The following TEKT5 variants were observed in gnomAD, a reference collection of about 807,000 sequenced individuals.
TEKT5 encodes the protein tektin 5, also known as tektin-5.
Under a neutral mutation model 48.7 loss-of-function variants are expected in TEKT5, and 52 were observed. The ratio of observed to expected loss-of-function variants is 1.07; its 90% confidence interval spans 0.86 to 1.35. The LOEUF (loss-of-function observed/expected upper bound fraction) is 1.35, where lower values mean the gene tolerates loss of function less well. TEKT5 is among the 40% of genes most tolerant of loss of function. The pLI, the probability that TEKT5 is intolerant of heterozygous loss-of-function variation, is 0.00. For missense variants in TEKT5, 831 were observed against 641.6 expected (o/e 1.30, Z -3.19); for synonymous variants, 318 against 267.6 (o/e 1.19, Z -1.84).
At chr16:10,634,403 C>T (rs1897884078) in intron 6 of TEKT5, among the ~76,000 whole-genome samples, 1 of 152,132 alleles carries the variant, frequency 6.6e-6, no homozygotes, top group South Asian at 2.1e-4. Flanking sequence ...AGAAGTACTG[C>T]TATGAAACCC....
At chr16:10,653,553 A>G (rs1021521181) in intron 5 of TEKT5, among the ~76,000 whole-genome samples, 8 of 152,194 alleles carry the variant, frequency 5.3e-5, no homozygotes, top group Non-Finnish European at 1.0e-4. Flanking sequence ...ACATCGATTG[A>G]GCCCTTTCTA....
At chr16:10,680,072 C>A (rs1253293213) in intron 4 of TEKT5, among the ~76,000 whole-genome samples, 2 of 152,206 alleles carry the variant, frequency 1.3e-5, no homozygotes, top group Admixed American at 1.3e-4. Flanking sequence ...GGCTCTGGGG[C>A]TGCCAGGTTT....
At chr16:10,687,584 C>A (rs985036652) in intron 3 of TEKT5, among the ~76,000 whole-genome samples, 5 of 152,206 alleles carry the variant, frequency 3.3e-5, no homozygotes, top group African/African-American at 2.4e-5. Context: ...AAAACACTGT[C>A]TCTACTAAAA....
intron 5 of TEKT5, among the ~76,000 whole-genome samples, chr16:10,653,002 C>T (rs1898196174): frequency 6.6e-6 from 1 of 152,232 alleles, no homozygotes; most frequent in South Asian, 2.1e-4. Context: ...GAGCTGGCAT[C>T]TCTCTGCCCA....
intron 5 of TEKT5, among the ~76,000 whole-genome samples, chr16:10,649,319 C>T (rs1460212079): frequency 6.6e-6 from 1 of 152,206 alleles, no homozygotes; most frequent in East Asian, 1.9e-4. Flanking sequence ...CTATGTTGCC[C>T]AGGCTGGTCT....
At chr16:10,684,911 C>T (rs1044498977) in intron 3 of TEKT5, among the ~76,000 whole-genome samples, 4 of 152,224 alleles carry the variant, frequency 2.6e-5, no homozygotes, top group African/African-American at 7.2e-5. Context: ...CCTCAGGCTT[C>T]GCAGAAAACC....
chr16:10,634,783 C>A (rs991381913), intron 6 of TEKT5, among the ~76,000 whole-genome samples: 12 of 152,092 alleles, frequency 7.9e-5, no homozygotes, highest in Non-Finnish European at 1.5e-4. Context: ...TGGCTGCCAG[C>A]CAACAGCCAG....
rs556848151 is a variant in TEKT5 at position 10,685,054 on chromosome 16, T to A, written c.720-2918A>T. The stretch of plus-strand genomic sequence containing the variant: ...TCTCGGTTAATTAGTATAACCCCAA[T>A]CCCTCTGGCAGCACAAGCTGTGAGA... On this transcript the variant is annotated intron_variant, in intron 3 of 6. Transcript: ENST00000283025. Among the ~76,000 whole-genome samples, 3 of 152,128 alleles carry A rather than the reference T, an allele frequency of 2.0e-5. No homozygotes were observed. The East Asian group carries it at 5.8e-4, about 29-fold the overall frequency.
rs1899041067 is a variant in TEKT5 at position 10,694,492 on chromosome 16, G to A, written c.382C>T (p.Gln128Ter). 1.2e-6 allele frequency: 2 copies of A among 1,613,610 alleles called. No homozygotes were observed. Among genetic ancestry groups the A allele is most frequent in the African/African-American group, 1.3e-5 (1 of 75,060 alleles). Reference sequence around the variant, plus strand: ...CCCTCCTGCATCTGGTGCGTCAGCTGGTCCTTGTCCTGCAAGAGCCTCATG... The same window carrying A: ...CCCTCCTGCATCTGGTGCGTCAGCTAGTCCTTGTCCTGCAAGAGCCTCATG... ...DSMRLLQDKD[Q>*]LTHQMQEGTC... Residue 128 changes from glutamine (Q) to a stop codon, truncating the protein, a stop_gained, in exon 1 of 7, where the codon CAG (glutamine) becomes TAG (stop). Transcript: ENST00000283025. LOFTEE classifies it high-confidence loss of function.
chr16:10,693,365 G>A (rs9928038), intron 1 of TEKT5, among the ~76,000 whole-genome samples: 13,522 of 152,266 alleles, frequency 0.089, 750 homozygotes, highest in Non-Finnish European at 0.13. Flanking sequence ...AAAGTGCTGG[G>A]ATTACAGGTG....
At chr16:10,655,029 G>T (rs925042583) in intron 5 of TEKT5, among the ~76,000 whole-genome samples, 1 of 142,812 alleles carries the variant, frequency 7.0e-6, no homozygotes, top group African/African-American at 2.6e-5. Flanking sequence ...AGGAAATTCA[G>T]ATTTGCTTGA....
Position 10,635,936 on chromosome 16 carries a change from G to C in TEKT5, c.1087-18C>G, listed in dbSNP as rs761409367. On this transcript the variant is annotated intron_variant, in intron 5 of 6. Coordinates refer to ENST00000283025, the MANE Select transcript of TEKT5 (RefSeq NM_144674.2). The stretch of plus-strand genomic sequence containing the variant: ...TGCAGCGTCTGCGAGGGAACACACA[G>C]GTGTCACCACCCACCAGGCCCTTCT... The C allele has an allele frequency of 6.2e-7, 1 of 1,612,030 alleles. No individual in the cohort carries two copies. The highest frequency in any genetic ancestry group is 1.7e-4 in the Middle Eastern group (1 of 6,058).
chr16:10,641,475 C>T (rs564388869), intron 5 of TEKT5, among the ~76,000 whole-genome samples: 127 of 152,264 alleles, frequency 8.3e-4, no homozygotes, highest in East Asian at 1.3e-3. Flanking sequence ...TAAGCAGGCA[C>T]TAGAAACCCC....
chr16:10,656,110 G>C (rs1401430325), intron 5 of TEKT5, among the ~76,000 whole-genome samples: 2 of 152,098 alleles, frequency 1.3e-5, no homozygotes, highest in African/African-American at 2.4e-5. Context: ...AGGATGTTTA[G>C]TTAGCAGCCT....
intron 5 of TEKT5, among the ~76,000 whole-genome samples, chr16:10,673,685 CTG>C (rs1462645652): frequency 7.1e-6 from 1 of 141,790 alleles, no homozygotes. Flanking sequence ...GATTCTCACT[CTG>C]TCTCCCACGC....
At chr16:10,653,633 C>A (rs1336930737) in intron 5 of TEKT5, among the ~76,000 whole-genome samples, 1 of 152,198 alleles carries the variant, frequency 6.6e-6, no homozygotes, top group Non-Finnish European at 1.5e-5. Context: ...ACTTGCCCGG[C>A]CAGGTGTGGT....
intron 5 of TEKT5, among the ~76,000 whole-genome samples, chr16:10,659,416 GT>G (rs1244206982): frequency 1.3e-5 from 2 of 152,120 alleles, no homozygotes; most frequent in Non-Finnish European, 2.9e-5. Context: ...GCCTCGCTTT[GT>G]CACACAGGCT....
At chr16:10,663,386 T>A (rs570145553) in intron 5 of TEKT5, among the ~76,000 whole-genome samples, 1 of 152,198 alleles carries the variant, frequency 6.6e-6, no homozygotes, top group Non-Finnish European at 1.5e-5. Context: ...TCTGGATGTT[T>A]TGTGCAACCT....
intron 6 of TEKT5, among the ~76,000 whole-genome samples, chr16:10,628,782 T>C (rs546728054): frequency 6.6e-6 from 1 of 151,840 alleles, no homozygotes; most frequent in Non-Finnish European, 1.5e-5. Context: ...GGTGGGTGCC[T>C]GTAATCCCAG....
Sources: allele counts gnomAD v4.1 joint callset (sites outside exome capture counted in the v4.1 genomes callset), GRCh38; gene constraint gnomAD v4.1.1; transcripts MANE v1.5; gene names NCBI Gene and HGNC (gene_info 2026-07-23, HGNC 2026-07-21).